The following MYBL2 variants were observed in gnomAD, a reference collection of about 807,000 sequenced individuals.
The protein encoded by MYBL2 is myb-related protein B.
A neutral mutation model predicts 79.9 loss-of-function variants in MYBL2; 28 were observed. That is an observed-to-expected ratio of 0.35 (90% CI 0.26 to 0.48). MYBL2 has a LOEUF of 0.48. Among genes scored for constraint, MYBL2 ranks in the 20% least tolerant of loss-of-function variants. The pLI is 0.99. For synonymous variants in MYBL2, 378 were observed against 361.2 expected, an observed-to-expected ratio of 1.05 and a Z score of -0.53; for missense variants, 735 against 893.9, an observed-to-expected ratio of 0.82 and a Z score of 2.27.
chr20:43,714,144 T>TG (rs1987975392), intron 12 of MYBL2, among the ~76,000 whole-genome samples: 1 of 152,140 alleles, frequency 6.6e-6, no homozygotes, highest in Non-Finnish European at 1.5e-5. Context: ...ACACCATCAC[T>TG]GCTCTCTGGG....
intron 6 of MYBL2, among the ~76,000 whole-genome samples, chr20:43,696,769 C>G (rs376957176): frequency 7.2e-5 from 11 of 152,290 alleles, no homozygotes; most frequent in African/African-American, 2.4e-4. Flanking sequence ...ACTCTGTTGC[C>G]AGGCTGGAGT....
At chr20:43,709,894 C>G (rs1169464320) in intron 9 of MYBL2, 69 bp from the exon 10 acceptor site, 2 of 1,300,602 alleles carry the variant, frequency 1.5e-6, no homozygotes, top group Non-Finnish European at 1.1e-6. Context: ...GAAGGTGGAG[C>G]CAGGGCAGCA....
In MYBL2 at chr20:43,673,892, A is replaced by G. The variant is rs1986931499; in HGVS notation, c.107A>G (p.His36Arg). Residue 36 changes from histidine (H) to arginine (R), a missense_variant, in exon 2 of 14, where the codon CAT (histidine) becomes CGT (arginine). This residue lies in a region of MYBL2 where 79 missense variants were observed against 86.7 expected (regional missense o/e 0.91). Coordinates refer to ENST00000217026, the MANE Select transcript of MYBL2 (RefSeq NM_002466.4). ...RDSKCKVKWT[H>R]EEDEQLRALV... ...AGCAAGTGCAAGGTCAAATGGACCC[A>G]TGAGGAGGTGAGTGCCATGGGGAAG... 6.4e-7 allele frequency: 1 copy of G among 1,551,884 alleles called. No individual in the cohort carries two copies. Among genetic ancestry groups the G allele is most frequent in the African/African-American group, 1.4e-5 (1 of 73,142 alleles).
chr20:43,680,574 T>C (rs1454257519), intron 2 of MYBL2, among the ~76,000 whole-genome samples: 1 of 152,122 alleles, frequency 6.6e-6, no homozygotes, highest in Non-Finnish European at 1.5e-5. Flanking sequence ...CTCGGCTCAC[T>C]GCAACCTCCG....
At chr20:43,681,894 G>T (rs1016515360) in intron 3 of MYBL2, 39 bp downstream of exon 3, 2 of 1,602,364 alleles carry the variant, frequency 1.2e-6, no homozygotes, top group Non-Finnish European at 8.5e-7. Flanking sequence ...TCGGGGCAAG[G>T]GCTCTGGGAG....
At chr20:43,678,088 CAGACGCTTGAAGGCAGCATGCTCGTTA>C (rs1987054699) in intron 2 of MYBL2, among the ~76,000 whole-genome samples, 1 of 150,182 alleles carries the variant, frequency 6.7e-6, no homozygotes, top group African/African-American at 2.5e-5. Context: ...CTTTGTTAAA[CAGACGCTTGAAGGCAGCATGCTCGTTA>C]AGAGTCATCA....
At chr20:43,703,575 A>T (rs991677331) in intron 8 of MYBL2, among the ~76,000 whole-genome samples, 2 of 152,130 alleles carry the variant, frequency 1.3e-5, no homozygotes, top group African/African-American at 4.8e-5. Context: ...AAAGGCACAG[A>T]AAAGGAAGGA....
chr20:43,715,688 C>T (rs1390631070), intron 13 of MYBL2, among the ~76,000 whole-genome samples: 3 of 152,198 alleles, frequency 2.0e-5, no homozygotes, highest in African/African-American at 7.2e-5. Context: ...TCACCCGCCT[C>T]CTGGCTGTGG....
chr20:43,698,762 G>A (rs1289251723), intron 6 of MYBL2, among the ~76,000 whole-genome samples: 1 of 147,298 alleles, frequency 6.8e-6, no homozygotes, highest in Non-Finnish European at 1.5e-5. Context: ...TTGAACTCAT[G>A]AACTCAAGGG....
intron 4 of MYBL2, among the ~76,000 whole-genome samples, chr20:43,686,433 G>A: frequency 6.6e-6 from 1 of 152,172 alleles, no homozygotes; most frequent in East Asian, 1.9e-4. Flanking sequence ...CTGGGGCCTG[G>A]CTGGTGTGGG....
In MYBL2 at chr20:43,716,255, G is replaced by C; in HGVS notation, c.*168G>C. On this transcript the variant is annotated 3_prime_UTR_variant, in exon 14 of 14. Transcript: ENST00000217026. Reference sequence around the variant, plus strand: ...CAACAGGGCCATGTGCTGCCCTGTTGCCGAGCCCAGCTGTGGGCGGCTCCT... The same window carrying C: ...CAACAGGGCCATGTGCTGCCCTGTTCCCGAGCCCAGCTGTGGGCGGCTCCT... 1.0e-6 allele frequency: 1 copy of C among 988,922 alleles called. No homozygotes were observed. The allele number at this position is 988,922 out of a possible 1,614,324, so 61.3% of individuals were successfully genotyped here. A position where few individuals can be genotyped will look rare whatever the true frequency, so the allele number is the denominator to read the frequency against.
intron 7 of MYBL2, among the ~76,000 whole-genome samples, chr20:43,700,323 G>A (rs926889275): frequency 1.3e-5 from 2 of 152,154 alleles, no homozygotes; most frequent in African/African-American, 4.8e-5. Flanking sequence ...CAGAGGAGGT[G>A]GCACTGAACT....
At chr20:43,686,736 G>A in intron 4 of MYBL2, 116 bp from the exon 5 acceptor site, 2 of 981,864 alleles carry the variant, frequency 2.0e-6, no homozygotes, top group East Asian at 2.6e-5. Flanking sequence ...TTGCCTGAGG[G>A]GATGTGGTAG....
intron 1 of MYBL2, among the ~76,000 whole-genome samples, chr20:43,670,460 T>C (rs1372554155): frequency 2.0e-5 from 3 of 152,226 alleles, no homozygotes; most frequent in African/African-American, 7.2e-5. Flanking sequence ...GGGTCTTGCC[T>C]GGCCTAAAAA....
chr20:43,679,834 C>T (rs1229749036), intron 2 of MYBL2, among the ~76,000 whole-genome samples: 1 of 83,484 alleles, frequency 1.2e-5, no homozygotes, highest in Non-Finnish European at 2.3e-5. Context: ...TCACTTGAGC[C>T]CATGAGGTTG....
chr20:43,687,993 CAG>C (rs1228749863), intron 5 of MYBL2, among the ~76,000 whole-genome samples: 5 of 134,138 alleles, frequency 3.7e-5, no homozygotes, highest in East Asian at 4.4e-4. Context: ...GCCTGGGCGA[CAG>C]AGCGAGACTG....
intron 6 of MYBL2, among the ~76,000 whole-genome samples, chr20:43,694,322 ACT>A (rs1987481150): frequency 6.6e-6 from 1 of 152,040 alleles, no homozygotes; most frequent in Non-Finnish European, 1.5e-5. Flanking sequence ...ACAGAGTGAG[ACT>A]CTGTCACAAA....
intron 4 of MYBL2, 147 bp downstream of exon 4, chr20:43,683,033 G>A: frequency 1.4e-6 from 1 of 724,064 alleles, no homozygotes; most frequent in East Asian, 2.7e-5. Context: ...ACACTCTTAT[G>A]CTGCCCTGGC....
chr20:43,692,344 CTTGGT>C (rs1410470480), intron 6 of MYBL2, 25 bp downstream of exon 6: 2 of 1,612,370 alleles, frequency 1.2e-6, no homozygotes, highest in South Asian at 1.1e-5. Context: ...CAGCCTTTGG[CTTGGT>C]TTGATTTCAC....
Sources: allele counts gnomAD v4.1 joint callset (sites outside exome capture counted in the v4.1 genomes callset), GRCh38; gene constraint gnomAD v4.1.1; regional missense constraint gnomAD v4.1.1; transcripts MANE v1.5; gene names NCBI Gene and HGNC (gene_info 2026-07-23, HGNC 2026-07-21).